Variants in HLCS observed in about 807,000 individuals in gnomAD.
The protein encoded by HLCS is holocarboxylase synthetase, also known as biotin--protein ligase.
HLCS carries 53 observed loss-of-function variants against 75.0 expected under a neutral mutation model. That is an observed-to-expected ratio of 0.71 (90% CI 0.57 to 0.89). HLCS has a LOEUF of 0.89. HLCS is among the 40% of genes least tolerant of loss of function. The probability of loss-of-function intolerance (pLI) is 0.00; values close to 1 mark genes in which losing one functional copy is unlikely to be tolerated. For synonymous variants in HLCS, 431 were observed against 428.6 expected, an observed-to-expected ratio of 1.01 and a Z score of -0.07; for missense variants, 966 against 1,074.0, an observed-to-expected ratio of 0.90 and a Z score of 1.41.
chr21:36,754,243 G>A lies in HLCS; in HGVS notation c.*3C>T. Reference sequence around the variant, plus strand: ...GGCAGCCGCGTCTCGGGGACGCCCGGCATTACCGCCGTTTGGGGAGGATGA... The same window carrying A: ...GGCAGCCGCGTCTCGGGGACGCCCGACATTACCGCCGTTTGGGGAGGATGA... On this transcript the variant is annotated 3_prime_UTR_variant, in exon 11 of 11. Transcript: ENST00000674895. 2 of 1,613,780 alleles carry A rather than the reference G, an allele frequency of 1.2e-6. No individual in the cohort carries two copies. The highest frequency in any genetic ancestry group is 1.7e-6 in the Non-Finnish European group (2 of 1,179,916).
chr21:36,877,629 T>A (rs1186934607), intron 6 of HLCS, among the ~76,000 whole-genome samples: 1 of 152,164 alleles, frequency 6.6e-6, no homozygotes, highest in African/African-American at 2.4e-5. Context: ...TTTAGGTAGA[T>A]ATATGTGTGT....
chr21:36,843,267 T>C (rs2062677041), intron 6 of HLCS, among the ~76,000 whole-genome samples: 1 of 151,882 alleles, frequency 6.6e-6, no homozygotes, highest in African/African-American at 2.4e-5. Context: ...GGCAAGACCC[T>C]GTCTCCACAA....
intron 2 of HLCS, among the ~76,000 whole-genome samples, chr21:36,951,124 A>AAAC (rs1427637292): frequency 3.9e-5 from 6 of 152,236 alleles, no homozygotes; most frequent in Admixed American, 3.9e-4. Flanking sequence ...TTGATGTGAT[A>AAAC]AACAATGTGA....
At chr21:36,763,082 T>C (rs1309995483) in intron 8 of HLCS, among the ~76,000 whole-genome samples, 1 of 152,234 alleles carries the variant, frequency 6.6e-6, no homozygotes, top group Non-Finnish European at 1.5e-5. Context: ...TGGAGTGCAA[T>C]GGCACAATCT....
At chr21:36,809,430 T>C (rs2061448063) in intron 6 of HLCS, among the ~76,000 whole-genome samples, 1 of 152,214 alleles carries the variant, frequency 6.6e-6, no homozygotes, top group Non-Finnish European at 1.5e-5. Flanking sequence ...TAAATATTTA[T>C]TCTTATTGGT....
rs747688148 is a variant in HLCS, at chr21:36,930,336, C to T, written c.1535G>A (p.Arg512Lys). 24 of 1,614,102 alleles carry T rather than the reference C, an allele frequency of 1.5e-5. No homozygotes were observed. In the East Asian group the frequency reaches 5.3e-4, roughly 36 times the overall value. Residue 512 changes from arginine (R) to lysine (K), a missense_variant, in exon 5 of 11, where the codon AGA becomes AAA. Arg to Lys is a conservative substitution (Grantham distance 26). Coordinates refer to ENST00000674895, the MANE Select transcript of HLCS (RefSeq NM_001352514.2). ...GAGGCCAAGGGTTGTCAGAATCTCT[C>T]TAAGGACTTCGTATCTTCTAAAATT... The part of the protein sequence containing the change: ...SSNFRRYEVL[R>K]EILTTLGLSC...
chr21:36,841,033 T>A (rs979102510), intron 6 of HLCS, among the ~76,000 whole-genome samples: 1 of 152,174 alleles, frequency 6.6e-6, no homozygotes, highest in African/African-American at 2.4e-5. Context: ...GGGTGGGTAT[T>A]TTATAGTATA....
chr21:36,969,825 A>C (rs2154529), upstream of HLCS, among the ~76,000 whole-genome samples: 1 of 151,876 alleles, frequency 6.6e-6, no homozygotes, highest in South Asian at 2.1e-4. Flanking sequence ...GTCCCACCTC[A>C]GCCTCCCAAC....
At chr21:36,985,482 A>C (rs2069211296) in intron 1 of HLCS, among the ~76,000 whole-genome samples, 1 of 143,264 alleles carries the variant, frequency 7.0e-6, no homozygotes, top group Non-Finnish European at 1.5e-5. Flanking sequence ...AAAATACAAA[A>C]ATTCGCTGGG....
At chr21:36,896,038 G>T (rs1416386941) in intron 6 of HLCS, among the ~76,000 whole-genome samples, 1 of 152,096 alleles carries the variant, frequency 6.6e-6, no homozygotes, top group African/African-American at 2.4e-5. Context: ...ATCCAAATGG[G>T]GTTATCAACT....
chr21:36,908,300 G>C (rs1369823199), intron 5 of HLCS, among the ~76,000 whole-genome samples: 3 of 151,518 alleles, frequency 2.0e-5, no homozygotes, highest in Non-Finnish European at 1.5e-5. Context: ...GAGGTGGCAG[G>C]ATCACTTGAG....
intron 5 of HLCS, among the ~76,000 whole-genome samples, chr21:36,909,939 T>C (rs2065627972): frequency 6.6e-6 from 1 of 152,196 alleles, no homozygotes; most frequent in South Asian, 2.1e-4. Flanking sequence ...ATTTGCCTCA[T>C]TGCAAATAAT....
At chr21:36,791,337 A>G (rs1225073185) in intron 6 of HLCS, among the ~76,000 whole-genome samples, 1 of 152,182 alleles carries the variant, frequency 6.6e-6, no homozygotes, top group Admixed American at 6.5e-5. Flanking sequence ...GTTCAGTGAG[A>G]CCGCTTTCAG....
intron 2 of HLCS, among the ~76,000 whole-genome samples, chr21:36,945,535 A>C (rs2067349244): frequency 6.6e-6 from 1 of 152,242 alleles, no homozygotes; most frequent in African/African-American, 2.4e-5. Flanking sequence ...CGAATACATT[A>C]CATTAAGTGA....
chr21:36,928,911 T>C (rs371059755), intron 5 of HLCS, among the ~76,000 whole-genome samples: 13 of 152,296 alleles, frequency 8.5e-5, no homozygotes, highest in South Asian at 4.1e-4. Context: ...ACTCCCTCAA[T>C]TGATCAATGA....
chr21:36,962,539 G>C (rs1601897331), intron 1 of HLCS, among the ~76,000 whole-genome samples: 1 of 152,192 alleles, frequency 6.6e-6, no homozygotes, highest in Non-Finnish European at 1.5e-5. Context: ...TGTAATCCTA[G>C]CACTTTGGGA....
chr21:36,931,969 T>G (rs1357063100), intron 4 of HLCS, among the ~76,000 whole-genome samples: 3 of 152,018 alleles, frequency 2.0e-5, no homozygotes, highest in African/African-American at 7.2e-5. Flanking sequence ...CTGTGCACAT[T>G]AGGTGAACCG....
chr21:36,961,154 A>T (rs2068268879), intron 2 of HLCS, among the ~76,000 whole-genome samples: 1 of 152,060 alleles, frequency 6.6e-6, no homozygotes, highest in Non-Finnish European at 1.5e-5. Flanking sequence ...TACAAACACA[A>T]CTCATTTTGG....
intron 5 of HLCS, among the ~76,000 whole-genome samples, chr21:36,911,837 G>A (rs1345604860): frequency 2.0e-5 from 3 of 151,348 alleles, no homozygotes; most frequent in Admixed American, 2.0e-4. Context: ...GGGAGGGGCC[G>A]AGGTGGGTGG....
Sources: allele counts gnomAD v4.1 joint callset (sites outside exome capture counted in the v4.1 genomes callset), GRCh38; gene constraint gnomAD v4.1.1; transcripts MANE v1.5; gene names NCBI Gene and HGNC (gene_info 2026-07-23, HGNC 2026-07-21).